Variants in DCBLD2 observed in about 807,000 individuals in gnomAD.
DCBLD2 encodes discoidin, CUB and LCCL domain-containing protein 2.
A neutral mutation model predicts 86.8 loss-of-function variants in DCBLD2; 54 were observed. The ratio of observed to expected loss-of-function variants is 0.62; its 90% confidence interval spans 0.50 to 0.78. The LOEUF (loss-of-function observed/expected upper bound fraction) is 0.78. Ranked by LOEUF, DCBLD2 falls within the 30% of genes least tolerant of loss-of-function variation. DCBLD2 has a pLI of 0.00. For synonymous variants in DCBLD2, 354 were observed against 341.3 expected, an observed-to-expected ratio of 1.04 and a Z score of -0.41; for missense variants, 908 against 954.2, an observed-to-expected ratio of 0.95 and a Z score of 0.64.
rs760382468 is a variant in DCBLD2 at position 98,812,357 on chromosome 3, C to T, written c.1338G>A (p.Leu446=). 5 of 1,613,370 alleles carry T rather than the reference C, an allele frequency of 3.1e-6. No individual in the cohort carries two copies. The South Asian group carries it at 5.5e-5, about 18-fold the overall frequency. The change falls in exon 10 of 16, where the codon CTG becomes CTA. Residue 446 remains leucine (L), a synonymous_variant. Transcript: ENST00000326840. ...WQQKIAMKME[L]LGCQFIPKGR... ...CTTTAGGAATAAACTGACATCCGAG[C>T]AGCTCCATTTTCATGGCAATTTTCT...
chr3:98,892,303 G>A (rs1411516438), intron 1 of DCBLD2, among the ~76,000 whole-genome samples: 1 of 151,810 alleles, frequency 6.6e-6, no homozygotes, highest in Non-Finnish European at 1.5e-5. Flanking sequence ...AAAATACAGT[G>A]GTCTCTTTAT....
chr3:98,838,546 G>A (rs970279314), intron 3 of DCBLD2, among the ~76,000 whole-genome samples: 9 of 147,066 alleles, frequency 6.1e-5, no homozygotes, highest in Non-Finnish European at 1.1e-4. Flanking sequence ...GGGCGGAGAC[G>A]CTCCTCACTT....
At chr3:98,801,474 T>C in intron 14 of DCBLD2, 126 bp downstream of exon 14, 3 of 596,392 alleles carry the variant, frequency 5.0e-6, no homozygotes, top group Non-Finnish European at 8.6e-6. Flanking sequence ...TGAAGAGTAA[T>C]GCCATTGTTC....
intron 1 of DCBLD2, among the ~76,000 whole-genome samples, chr3:98,894,138 T>C (rs995396603): frequency 1.3e-5 from 2 of 152,132 alleles, no homozygotes; most frequent in African/African-American, 2.4e-5. Flanking sequence ...CCAAACCTAG[T>C]GACAGACAAA....
rs1941582163 is a variant in DCBLD2, at chr3:98,796,089, A to G, written c.*3283T>C. 1 of 152,680 alleles carries G rather than the reference A, an allele frequency of 6.5e-6. No homozygotes were observed. Among genetic ancestry groups the G allele is most frequent in the African/African-American group, 2.4e-5 (1 of 41,468 alleles). The allele number at this position is 152,680 out of a possible 1,614,324, so 9.5% of individuals were successfully genotyped here. ...TTAAAATTTCACTATTTTACAATCT[A>G]AATTCTAGCAACATATACAAATACT... On this transcript the variant is annotated 3_prime_UTR_variant, in exon 16 of 16. Coordinates refer to ENST00000326840, the MANE Select transcript of DCBLD2 (RefSeq NM_080927.4).
chr3:98,861,717 A>G (rs1943047664), intron 2 of DCBLD2, among the ~76,000 whole-genome samples: 1 of 152,202 alleles, frequency 6.6e-6, no homozygotes, highest in South Asian at 2.1e-4. Flanking sequence ...TCTGGGACAC[A>G]TTTAAAGCAG....
intron 2 of DCBLD2, among the ~76,000 whole-genome samples, chr3:98,851,711 C>T (rs2439233): frequency 0.98 from 149,805 of 152,356 alleles, 73,706 homozygotes; most frequent in Middle Eastern, 1. Flanking sequence ...CCAAACAGCA[C>T]GGTACTGGTA....
chr3:98,884,442 T>G (rs780551607), intron 1 of DCBLD2, among the ~76,000 whole-genome samples: 1 of 149,728 alleles, frequency 6.7e-6, no homozygotes, highest in Admixed American at 6.7e-5. Flanking sequence ...GAAACTGGCA[T>G]GAAAATACCT....
At chr3:98,889,978 C>G (rs960072881) in intron 1 of DCBLD2, among the ~76,000 whole-genome samples, 2 of 151,976 alleles carry the variant, frequency 1.3e-5, no homozygotes, top group Admixed American at 6.6e-5. Flanking sequence ...CATCTACCAC[C>G]TTTTTCTCAC....
rs753588266 is a variant in DCBLD2 at position 98,817,736 on chromosome 3, T to C, written c.1212+33A>G. On this transcript the variant is annotated intron_variant, in intron 9 of 15. Transcript: ENST00000326840. ...ACTTGGCAACCACCCATTTAAAAAA[T>C]GTTTTTTAAAAATACCTTGGTAATC... 4.4e-6 allele frequency: 7 copies of C among 1,607,958 alleles called. No homozygotes were observed. In the African/African-American group the frequency reaches 5.4e-5, roughly 12 times the overall value.
chr3:98,881,436 C>T, intron 2 of DCBLD2, 104 bp downstream of exon 2: 1 of 1,011,680 alleles, frequency 9.9e-7, no homozygotes, highest in Non-Finnish European at 1.5e-6. Context: ...AATAATTTCC[C>T]ACATAGCACC....
intron 1 of DCBLD2, among the ~76,000 whole-genome samples, chr3:98,884,474 A>G (rs1943525235): frequency 6.6e-6 from 1 of 151,986 alleles, no homozygotes; most frequent in Non-Finnish European, 1.5e-5. Flanking sequence ...GCTGGATATC[A>G]GCTAAATTAA....
rs753246435 is a variant in DCBLD2, at chr3:98,822,736, T to A, written c.629A>T (p.Tyr210Phe). ...SNFLEPEFSKYCPAGCLLPFA... is the reference protein window; with the variant it reads ...SNFLEPEFSKFCPAGCLLPFA... ...AGGAAGCAGACAACCAGCTGGGCAG[T>A]ACTTACTGAGAAATGAAAACAAGCA... The change falls in exon 5 of 16, where the codon TAC (tyrosine) becomes TTC (phenylalanine). Residue 210 changes from tyrosine to phenylalanine, a missense_variant. Transcript: ENST00000326840. 2.7e-5 allele frequency: 43 copies of A among 1,591,256 alleles called. No homozygotes were observed. Among genetic ancestry groups the A allele is most frequent in the Non-Finnish European group, 3.6e-5 (42 of 1,168,422 alleles).
At chr3:98,809,771 C>A (rs1941905979) in intron 12 of DCBLD2, among the ~76,000 whole-genome samples, 1 of 152,180 alleles carries the variant, frequency 6.6e-6, no homozygotes, top group Non-Finnish European at 1.5e-5. Context: ...AGGCACAAAT[C>A]TGACCATGAC....
Position 98,799,184 on chromosome 3 carries a change from A to T in DCBLD2, c.*188T>A, listed in dbSNP as rs1475732492. 5 of 585,646 alleles carry T rather than the reference A, an allele frequency of 8.5e-6. No homozygotes were observed. The highest frequency in any genetic ancestry group is 1.5e-5 in the Non-Finnish European group (5 of 343,488). The allele number at this position is 585,646 out of a possible 1,614,324, so 36.3% of individuals were successfully genotyped here. A position where few individuals can be genotyped will look rare whatever the true frequency, so the allele number is the denominator to read the frequency against. ...ATTTGAAATTTAACAGGCGAGCAGT[A>T]ACTGTGCCACCATAACACCTTAAAG... On this transcript the variant is annotated 3_prime_UTR_variant, in exon 16 of 16. Coordinates refer to ENST00000326840, the MANE Select transcript of DCBLD2 (RefSeq NM_080927.4).
At position 98,811,254 on chromosome 3, in the gene DCBLD2, C is replaced by T; in HGVS notation, c.1516G>A (p.Glu506Lys). ...RSSNEFPAQT[E>K]QTTASPDIRN... is the part of the protein sequence containing the mutation. ...ATATCAGGACTGGCAGTTGTTTGTT[C>T]TGTCTGTGCAGGAAATTCATTGCTA... is the stretch of plus-strand genomic sequence containing the variant. The change falls in exon 12 of 16, where the codon GAA becomes AAA. Residue 506 changes from glutamate to lysine, a missense_variant. Coordinates refer to ENST00000326840, the MANE Select transcript of DCBLD2 (RefSeq NM_080927.4). 1 of 1,612,712 alleles carries T rather than the reference C, an allele frequency of 6.2e-7. No individual in the cohort carries two copies. The highest frequency in any genetic ancestry group is 8.5e-7 in the Non-Finnish European group (1 of 1,179,406).
At chr3:98,870,902 CT>C (rs2107512242) in intron 2 of DCBLD2, among the ~76,000 whole-genome samples, 1 of 151,942 alleles carries the variant, frequency 6.6e-6, no homozygotes, top group Non-Finnish European at 1.5e-5. Flanking sequence ...AATATTGATT[CT>C]TTTAATTCAT....
chr3:98,878,819 G>A (rs949399976), intron 2 of DCBLD2, among the ~76,000 whole-genome samples: 2 of 152,138 alleles, frequency 1.3e-5, no homozygotes, highest in African/African-American at 4.8e-5. Flanking sequence ...ATAGGAAAAA[G>A]CAATGGAAAT....
chr3:98,880,279 G>GTA (rs1289398240), intron 2 of DCBLD2, among the ~76,000 whole-genome samples: 3 of 152,174 alleles, frequency 2.0e-5, no homozygotes, highest in Non-Finnish European at 4.4e-5. Flanking sequence ...GATGAACATA[G>GTA]TATGGTATTT....
Sources: allele counts gnomAD v4.1 joint callset (sites outside exome capture counted in the v4.1 genomes callset), GRCh38; gene constraint gnomAD v4.1.1; transcripts MANE v1.5; gene names NCBI Gene and HGNC (gene_info 2026-07-23, HGNC 2026-07-21).